The following KSR2 variants were observed in gnomAD, a reference collection of about 807,000 sequenced individuals.
KSR2 encodes kinase suppressor of ras 2.
Under a neutral mutation model 107.8 loss-of-function variants are expected in KSR2, and 25 were observed. The ratio of observed to expected loss-of-function variants is 0.23; its 90% CI spans 0.17 to 0.32. The LOEUF is 0.32. KSR2 is among the 10% of genes least tolerant of loss of function. KSR2 has a pLI of 1.00. For missense variants in KSR2, 887 were observed against 1,268.9 expected, an observed-to-expected ratio of 0.70 and a Z score of 4.57; for synonymous variants, 480 against 507.0, an observed-to-expected ratio of 0.95 and a Z score of 0.71.
In KSR2 at chr12:117,504,962, C is replaced by T. The variant is rs569769000; in HGVS notation, c.2220-19271G>A. Among the ~76,000 whole-genome samples, 41 of 152,268 alleles carry T rather than the reference C, an allele frequency of 2.7e-4. 1 individual carries two copies. The South Asian group carries it at 8.3e-3, about 31-fold the overall frequency. ...AAGCCTATTATATCACTCTGTATGC[C>T]TTTGCGTATTCATAGCTTAGCTCCC... On this transcript the variant is annotated intron_variant, in intron 14 of 19. Coordinates refer to ENST00000339824, the MANE Select transcript of KSR2 (RefSeq NM_173598.6).
At chr12:117,725,161 G>C (rs1887376196) in intron 4 of KSR2, among the ~76,000 whole-genome samples, 1 of 151,728 alleles carries the variant, frequency 6.6e-6, no homozygotes. Flanking sequence ...AAAGGCACGA[G>C]AAATAACAAG....
chr12:117,471,223 G>T lies in KSR2; in HGVS notation c.2680C>A (p.Leu894Ile). 1 of 1,613,974 alleles carries T rather than the reference G, an allele frequency of 6.2e-7. No individual in the cohort carries two copies. The highest frequency in any genetic ancestry group is 8.5e-7 in the Non-Finnish European group (1 of 1,179,874). Residue 894 changes from leucine to isoleucine, a missense_variant, in exon 18 of 20, where the codon CTC (leucine) becomes ATC (isoleucine). Leu to Ile is a conservative substitution (Grantham distance 5, BLOSUM62 2). This residue lies in a region of KSR2 where 308 missense variants were observed against 506.2 expected (regional missense o/e 0.61). Coordinates refer to ENST00000339824, the MANE Select transcript of KSR2 (RefSeq NM_173598.6). ...WQMGTGMKPNLSQIGMGKEIS... is the reference protein window; with the variant it reads ...WQMGTGMKPNISQIGMGKEIS... ...TCTTTTCCCATGCCAATCTGGCTGA[G>T]GTTGGGTTTCATGCCTGTGCCCATT...
At chr12:117,583,688 G>A (rs971890430) in intron 5 of KSR2, among the ~76,000 whole-genome samples, 2 of 152,058 alleles carry the variant, frequency 1.3e-5, no homozygotes, top group South Asian at 2.1e-4. Flanking sequence ...TCCCACCTCC[G>A]CCCTACTGCC....
intron 3 of KSR2, among the ~76,000 whole-genome samples, chr12:117,802,796 T>A (rs1433768237): frequency 6.6e-6 from 1 of 152,042 alleles, no homozygotes; most frequent in Non-Finnish European, 1.5e-5. Context: ...CTTGTCCAAG[T>A]GTGAGGCTCA....
Position 117,718,302 on chromosome 12 carries a change from T to A in KSR2, c.986+42709A>T, listed in dbSNP as rs112237258. Among the ~76,000 whole-genome samples, 283 of 152,348 alleles carry A rather than the reference T, an allele frequency of 1.9e-3. 2 individuals carry two copies. The highest frequency in any genetic ancestry group is 6.6e-3 in the African/African-American group (273 of 41,586). ...CAAAGAGGATCATAACAAAGGCATT[T>A]CCTCTGGAACCACTTTACTGAAACC... On this transcript the variant is annotated intron_variant, in intron 4 of 19. Coordinates refer to ENST00000339824, the MANE Select transcript of KSR2 (RefSeq NM_173598.6).
rs771923169 is a variant in KSR2 at position 117,606,174 on chromosome 12, C to T, written c.1172-23815G>A. 5.5e-4 allele frequency among the ~76,000 whole-genome samples: 84 copies of T among 152,080 alleles called. 1 individual carries two copies. Among genetic ancestry groups the T allele is most frequent in the Non-Finnish European group, 1.0e-3 (70 of 68,006 alleles). On this transcript the variant is annotated intron_variant, in intron 5 of 19. Coordinates refer to ENST00000339824, the MANE Select transcript of KSR2 (RefSeq NM_173598.6). ...GTTCAACAGTTAAAAAGTTTAAATA[C>T]AGCATTAAGGCCCTGATATTCAAGC...
At chr12:117,581,477 G>T (rs1039904598) in intron 6 of KSR2, among the ~76,000 whole-genome samples, 2 of 152,168 alleles carry the variant, frequency 1.3e-5, no homozygotes, top group East Asian at 3.8e-4. Context: ...ACTCAGCAGG[G>T]TGTCAAAAGA....
intron 14 of KSR2, among the ~76,000 whole-genome samples, chr12:117,496,652 T>C (rs927689650): frequency 6.6e-6 from 1 of 152,108 alleles, no homozygotes; most frequent in Non-Finnish European, 1.5e-5. Flanking sequence ...AAAGCTAGAA[T>C]CCCTAGCCCC....
intron 1 of KSR2, among the ~76,000 whole-genome samples, chr12:117,864,902 T>C (rs1893421846): frequency 6.6e-6 from 1 of 152,066 alleles, no homozygotes; most frequent in Admixed American, 6.6e-5. Context: ...ATTTCAACAT[T>C]TGAATCTTGA....
At chr12:117,921,594 G>A (rs1283823552) in intron 1 of KSR2, among the ~76,000 whole-genome samples, 2 of 152,150 alleles carry the variant, frequency 1.3e-5, no homozygotes, top group African/African-American at 4.8e-5. Context: ...TGGACTGTGT[G>A]ACTCCAGGGA....
intron 4 of KSR2, among the ~76,000 whole-genome samples, chr12:117,686,157 T>A (rs1375639582): frequency 6.7e-6 from 1 of 149,030 alleles, no homozygotes; most frequent in Non-Finnish European, 1.5e-5. Context: ...CAAGCCATCC[T>A]CCTGTCTCAG....
intron 4 of KSR2, among the ~76,000 whole-genome samples, chr12:117,669,050 G>A: frequency 6.6e-6 from 1 of 152,180 alleles, no homozygotes; most frequent in Non-Finnish European, 1.5e-5. Context: ...AGAAAGGGGT[G>A]ATGTCTAATC....
At chr12:117,848,748 G>T (rs1327805688) in intron 3 of KSR2, among the ~76,000 whole-genome samples, 2 of 152,226 alleles carry the variant, frequency 1.3e-5, no homozygotes, top group Admixed American at 1.3e-4. Flanking sequence ...GGAGCCTGGT[G>T]ATGGTGATGG....
intron 14 of KSR2, among the ~76,000 whole-genome samples, chr12:117,500,483 G>T (rs1324077907): frequency 2.0e-5 from 3 of 152,160 alleles, no homozygotes; most frequent in African/African-American, 7.2e-5. Context: ...TCCAACAAAT[G>T]GGGAAACTGA....
chr12:117,572,639 T>C lies in KSR2; in HGVS notation c.1325+6480A>G, dbSNP rs76513602. Among the ~76,000 whole-genome samples, 1,223 of 149,824 alleles carry C rather than the reference T, an allele frequency of 8.2e-3. 14 individuals are homozygous for C. Among genetic ancestry groups the C allele is most frequent in the African/African-American group, 0.028 (1,124 of 40,572 alleles). On this transcript the variant is annotated intron_variant, in intron 7 of 19. Transcript: ENST00000339824. ...AAACAAGCATAGGAGACAGTTGAAA[T>C]GCTACTTATCCACTGGTGGTTTTGG... is the stretch of plus-strand genomic sequence containing the variant.
intron 1 of KSR2, among the ~76,000 whole-genome samples, chr12:117,964,773 C>A (rs2137619597): frequency 6.6e-6 from 1 of 152,308 alleles, no homozygotes; most frequent in Admixed American, 6.5e-5. Flanking sequence ...AACTATAAAT[C>A]AGAAAACTTA....
intron 5 of KSR2, among the ~76,000 whole-genome samples, chr12:117,642,629 A>G (rs1441501105): frequency 6.6e-6 from 1 of 152,212 alleles, no homozygotes; most frequent in Non-Finnish European, 1.5e-5. Flanking sequence ...TGTTACAAAG[A>G]AGACCATGCC....
At chr12:117,803,096 C>T (rs915503230) in intron 3 of KSR2, among the ~76,000 whole-genome samples, 8 of 152,126 alleles carry the variant, frequency 5.3e-5, no homozygotes, top group Non-Finnish European at 1.5e-5. Flanking sequence ...CAAAATAATG[C>T]CTTTCTCTCT....
At chr12:117,788,697 G>A (rs1890160914) in intron 3 of KSR2, among the ~76,000 whole-genome samples, 1 of 152,158 alleles carries the variant, frequency 6.6e-6, no homozygotes, top group South Asian at 2.1e-4. Flanking sequence ...ATTTTTAGTT[G>A]AGACAGTGTT....
Sources: gnomAD v4.1 joint callset for allele counts (sites outside exome capture counted in the v4.1 genomes callset) on GRCh38, gnomAD v4.1.1 for gene constraint, gnomAD v4.1.1 regional missense constraint, MANE v1.5 for transcripts, NCBI Gene and HGNC (gene_info 2026-07-23, HGNC 2026-07-21) for gene names.